NEURL1B: variants seen among roughly 807,000 people sequenced by gnomAD.
The protein encoded by NEURL1B is neuralized E3 ubiquitin protein ligase 1B.
In NEURL1B, 13 loss-of-function variants were observed where a neutral mutation model predicts 37.4. The observed-to-expected ratio is 0.35, with a 90% CI of 0.23 to 0.55. NEURL1B has a LOEUF of 0.55. Ranked by LOEUF, NEURL1B falls within the 20% of genes least tolerant of loss-of-function variation. The pLI, the probability that NEURL1B is intolerant of heterozygous loss-of-function variation, is 0.89. For synonymous variants in NEURL1B, 432 were observed against 426.6 expected (o/e 1.01, Z -0.16); for missense variants, 790 against 879.2 (o/e 0.90, Z 1.28).
chr5:172,671,744 G>C (rs1262652485), intron 2 of NEURL1B, among the ~76,000 whole-genome samples: 1 of 152,232 alleles, frequency 6.6e-6, no homozygotes, highest in Admixed American at 6.5e-5. Context: ...CCTGCATTTT[G>C]TGGGAAAACC....
chr5:172,664,691 G>A (rs1038214536), intron 1 of NEURL1B, among the ~76,000 whole-genome samples: 4 of 152,332 alleles, frequency 2.6e-5, no homozygotes, highest in Non-Finnish European at 5.9e-5. Context: ...GCTAAAAGCA[G>A]ATGCTGGTGT....
chr5:172,642,066 G>A (rs375214748), intron 1 of NEURL1B, among the ~76,000 whole-genome samples: 62 of 152,336 alleles, frequency 4.1e-4, no homozygotes, highest in African/African-American at 1.4e-3. Context: ...TTCTGGGACC[G>A]GAGTGAGGGG....
In NEURL1B at chr5:172,661,414, C is replaced by T. The variant is rs1273890591; in HGVS notation, c.32-8371C>T. 2.6e-5 allele frequency among the ~76,000 whole-genome samples: 4 copies of T among 152,208 alleles called. No individual in the cohort carries two copies. The highest frequency in any genetic ancestry group is 5.9e-5 in the Non-Finnish European group (4 of 68,032). On this transcript the variant is annotated intron_variant, in intron 1 of 4. Transcript: ENST00000369800. This position sits in a 1 kb window ranked among gnomAD's most constrained non-coding sequence, Gnocchi z 4.0. Reference sequence around the variant, plus strand: ...TGAACCATTCCCCACGCCCCGCCAACCCAAAAGTTATGGCAGCTGCCTTGA... The same window carrying T: ...TGAACCATTCCCCACGCCCCGCCAATCCAAAAGTTATGGCAGCTGCCTTGA...
chr5:172,683,428 T>TCGCTGACA lies in NEURL1B; in HGVS notation c.595_602dup (p.Pro202ArgfsTer2), dbSNP rs1758404769. 2 of 1,406,116 alleles carry TCGCTGACA rather than the reference T, an allele frequency of 1.4e-6. No homozygotes were observed. Among genetic ancestry groups the TCGCTGACA allele is most frequent in the African/African-American group, 1.5e-5 (1 of 66,952 alleles). The allele number at this position is 1,406,116 out of a possible 1,614,324, so 87.1% of individuals were successfully genotyped here. A position where few individuals can be genotyped will look rare whatever the true frequency, so the allele number is the denominator to read the frequency against. The stretch of plus-strand genomic sequence containing the variant: ...CCCTTTGTCCGCACAGAGAGCGCCT[T>TCGCTGACA]CGCTGACACGCTGACGCCCGCGCGC... On this transcript the variant is annotated frameshift_variant, in exon 3 of 5. Transcript: ENST00000369800. LOFTEE classifies it high-confidence loss of function. This position sits in a 1 kb window ranked among gnomAD's most constrained non-coding sequence, Gnocchi z 5.6.
chr5:172,684,207 G>T, intron 3 of NEURL1B, 69 bp downstream of exon 3: 1 of 1,119,332 alleles, frequency 8.9e-7, no homozygotes, highest in Non-Finnish European at 1.1e-6. Flanking sequence ...ACCCCGCTGC[G>T]CTCTTCCCCG....
chr5:172,663,918 C>T (rs1270569068), intron 1 of NEURL1B, among the ~76,000 whole-genome samples: 1 of 151,044 alleles, frequency 6.6e-6, no homozygotes, highest in African/African-American at 2.4e-5. Flanking sequence ...AGGATCTCTG[C>T]ACCCGCAGAC....
In NEURL1B at chr5:172,641,945, G is replaced by A. The variant is rs1163308636; in HGVS notation, c.31+508G>A. Among the ~76,000 whole-genome samples, 1 of 152,198 alleles carries A rather than the reference G, an allele frequency of 6.6e-6. No homozygotes were observed. The highest frequency in any genetic ancestry group is 2.4e-5 in the African/African-American group (1 of 41,470). On this transcript the variant is annotated intron_variant, in intron 1 of 4. Coordinates refer to ENST00000369800, the MANE Select transcript of NEURL1B (RefSeq NM_001142651.3). This position sits in a 1 kb window ranked among gnomAD's most constrained non-coding sequence, Gnocchi z 6.4. ...TGCCGTGCTTTGGCCACGTTCCCAC[G>A]CGCACCCCGGTTGCGCCCCCCTCTG...
rs1265989159 is a variant in NEURL1B at position 172,661,413 on chromosome 5, A to G, written c.32-8372A>G. ...ATGAACCATTCCCCACGCCCCGCCA[A>G]CCCAAAAGTTATGGCAGCTGCCTTG... On this transcript the variant is annotated intron_variant, in intron 1 of 4. Coordinates refer to ENST00000369800, the MANE Select transcript of NEURL1B (RefSeq NM_001142651.3). The surrounding 1 kb of genome is among the most constrained non-coding windows in gnomAD (Gnocchi z 4.0). 1.3e-5 allele frequency among the ~76,000 whole-genome samples: 2 copies of G among 152,192 alleles called. No individual in the cohort carries two copies. Among genetic ancestry groups the G allele is most frequent in the Non-Finnish European group, 2.9e-5 (2 of 68,020 alleles).
In NEURL1B at chr5:172,686,657, A is replaced by G. The variant is rs764635902; in HGVS notation, c.1424-24A>G. On this transcript the variant is annotated intron_variant, in intron 4 of 4. Coordinates refer to ENST00000369800, the MANE Select transcript of NEURL1B (RefSeq NM_001142651.3). The surrounding 1 kb of genome is among the most constrained non-coding windows in gnomAD (Gnocchi z 7.9). ...CACCTGAGAGAGACATTGTTAACAT[A>G]TGTCCTCTTCTCCCTTTCGGCAGTG... The G allele has an allele frequency of 1.9e-6, 3 of 1,544,418 alleles. No homozygotes were observed. In the South Asian group the frequency reaches 3.6e-5, roughly 18 times the overall value.
chr5:172,663,829 T>TTTATTATTATTATTATTATTA lies in NEURL1B; in HGVS notation c.32-5947_32-5927dup, dbSNP rs60738970. On this transcript the variant is annotated intron_variant, in intron 1 of 4. Coordinates refer to ENST00000369800, the MANE Select transcript of NEURL1B (RefSeq NM_001142651.3). Reference sequence around the variant, plus strand: ...TTCCTGGCAAAAGAGGTTTTATTTGTTTATTATTATTATTATTATTATTAT... The same window carrying TTTATTATTATTATTATTATTA: ...TTCCTGGCAAAAGAGGTTTTATTTGTTTATTATTATTATTATTATTATTATTATTATTATTATTATTATTAT... 1.7e-3 allele frequency among the ~76,000 whole-genome samples: 237 copies of TTTATTATTATTATTATTATTA among 140,840 alleles called. No homozygotes were observed. In the Middle Eastern group the frequency reaches 0.019, roughly 11 times the overall value. 92.4% of individuals were successfully genotyped at this position (140,840 alleles called of 152,430 possible). A position where few individuals can be genotyped will look rare whatever the true frequency, so the allele number is the denominator to read the frequency against.
rs1361759980 is a variant in NEURL1B at position 172,660,703 on chromosome 5, C to T, written c.32-9082C>T. ...TCGCCCAGGCTGGAGTGCAGTGGTG[C>T]GATCTCAGCACACTGCAACCTCCGC... On this transcript the variant is annotated intron_variant, in intron 1 of 4. Coordinates refer to ENST00000369800, the MANE Select transcript of NEURL1B (RefSeq NM_001142651.3). Among the ~76,000 whole-genome samples the T allele has an allele frequency of 3.9e-5, 6 of 152,084 alleles. No individual in the cohort carries two copies. In the East Asian group the frequency reaches 7.7e-4, roughly 20 times the overall value.
chr5:172,665,074 A>G lies in NEURL1B; in HGVS notation c.32-4711A>G, dbSNP rs1757984453. ...GATTCCCAAGCCCTTCTGTAAAGAA[A>G]CTCTCTGACTGAGAGATGAGGTCGG... is the stretch of plus-strand genomic sequence containing the variant. On this transcript the variant is annotated intron_variant, in intron 1 of 4. Coordinates refer to ENST00000369800, the MANE Select transcript of NEURL1B (RefSeq NM_001142651.3). This position sits in a 1 kb window ranked among gnomAD's most constrained non-coding sequence, Gnocchi z 4.1. Among the ~76,000 whole-genome samples, 1 of 152,194 alleles carries G rather than the reference A, an allele frequency of 6.6e-6. No individual in the cohort carries two copies. The highest frequency in any genetic ancestry group is 2.4e-5 in the African/African-American group (1 of 41,444).
At chr5:172,655,273 C>T (rs1757749712) in intron 1 of NEURL1B, among the ~76,000 whole-genome samples, 1 of 151,962 alleles carries the variant, frequency 6.6e-6, no homozygotes. Flanking sequence ...TCTTGCCTTG[C>T]CTGCCCTGGA....
intron 2 of NEURL1B, among the ~76,000 whole-genome samples, chr5:172,680,320 T>C (rs324329): frequency 0.77 from 116,541 of 151,968 alleles, 45,642 homozygotes; most frequent in African/African-American, 0.94. Context: ...AGGACTTGAA[T>C]CTAAGTCCGC....
At chr5:172,651,925 C>T (rs1757673137) in intron 1 of NEURL1B, among the ~76,000 whole-genome samples, 1 of 152,180 alleles carries the variant, frequency 6.6e-6, no homozygotes, top group East Asian at 1.9e-4. Context: ...GATGAAATGC[C>T]AGGGTGAAAG....
intron 1 of NEURL1B, among the ~76,000 whole-genome samples, chr5:172,658,013 AG>A (rs1191795469): frequency 6.6e-6 from 1 of 152,160 alleles, no homozygotes; most frequent in Non-Finnish European, 1.5e-5. Context: ...CTAAGAGGGA[AG>A]GGCCCCCTGT....
chr5:172,654,585 T>A (rs987794134), intron 1 of NEURL1B, among the ~76,000 whole-genome samples: 1 of 151,938 alleles, frequency 6.6e-6, no homozygotes, highest in Non-Finnish European at 1.5e-5. Flanking sequence ...TTTTTTTTTT[T>A]TTTTTTTACT....
intron 2 of NEURL1B, among the ~76,000 whole-genome samples, chr5:172,671,248 A>C (rs1758125245): frequency 6.6e-6 from 1 of 152,052 alleles, no homozygotes; most frequent in Non-Finnish European, 1.5e-5. Flanking sequence ...TTGAGACCTT[A>C]GCTCTTGAAC....
In NEURL1B at chr5:172,641,448, G is replaced by A; in HGVS notation, c.31+11G>A. ...ACCGGACCCTGCCAGGTACGCCGGG[G>A]AGCCCTGCCCGGGAGGCGGGCGCCG... On this transcript the variant is annotated intron_variant, in intron 1 of 4. Coordinates refer to ENST00000369800, the MANE Select transcript of NEURL1B (RefSeq NM_001142651.3). The surrounding 1 kb of genome is among the most constrained non-coding windows in gnomAD (Gnocchi z 6.4). 1.5e-6 allele frequency: 2 copies of A among 1,320,066 alleles called. No homozygotes were observed. Among genetic ancestry groups the A allele is most frequent in the Non-Finnish European group, 9.6e-7 (1 of 1,036,850 alleles). 81.8% of individuals were successfully genotyped at this position (1,320,066 alleles called of 1,614,324 possible). A position where few individuals can be genotyped will look rare whatever the true frequency, so the allele number is the denominator to read the frequency against.
Sources: gnomAD v4.1 joint callset for allele counts (sites outside exome capture counted in the v4.1 genomes callset) on GRCh38, gnomAD v4.1.1 for gene constraint, Gnocchi (gnomAD v3.1) non-coding constraint, MANE v1.5 for transcripts, NCBI Gene and HGNC (gene_info 2026-07-23, HGNC 2026-07-21) for gene names.